The following GALNT17 variants were observed in gnomAD, a reference collection of about 807,000 sequenced individuals.
GALNT17 encodes the protein UDP-GalNAc:polypeptide N-acetylgalactosaminyltransferase-like 3.
Under a neutral mutation model 63.7 loss-of-function variants are expected in GALNT17, and 29 were observed. The observed-to-expected ratio is 0.46, with a 90% CI of 0.34 to 0.62. The LOEUF is 0.62. GALNT17 is among the 20% of genes least tolerant of loss of function. The pLI is 0.01. For missense variants in GALNT17, 603 were observed against 799.6 expected (o/e 0.75, Z 2.97); for synonymous variants, 305 against 318.3 (o/e 0.96, Z 0.45).
intron 1 of GALNT17, among the ~76,000 whole-genome samples, chr7:71,176,240 C>T (rs1788636441): frequency 2.0e-5 from 3 of 151,934 alleles, no homozygotes; most frequent in South Asian, 4.1e-4. Flanking sequence ...CCCCATATAC[C>T]GCCGCTGTCG....
At chr7:71,585,194 G>T (rs1241235370) in intron 6 of GALNT17, among the ~76,000 whole-genome samples, 1 of 151,888 alleles carries the variant, frequency 6.6e-6, no homozygotes, top group Non-Finnish European at 1.5e-5. Context: ...GAACTTCCTA[G>T]TGCTGACATT....
intron 5 of GALNT17, among the ~76,000 whole-genome samples, chr7:71,478,505 G>A (rs375143595): frequency 3.9e-5 from 6 of 151,976 alleles, no homozygotes; most frequent in Non-Finnish European, 8.8e-5. Context: ...TATAGCAATG[G>A]GGTCTCCCTA....
intron 1 of GALNT17, among the ~76,000 whole-genome samples, chr7:71,179,290 C>T (rs1788694417): frequency 6.6e-6 from 1 of 152,154 alleles, no homozygotes; most frequent in African/African-American, 2.4e-5. Flanking sequence ...CTGGTAGCCT[C>T]CTCCATGCTT....
chr7:71,515,568 G>T (rs1259559143), intron 5 of GALNT17, among the ~76,000 whole-genome samples: 1 of 152,132 alleles, frequency 6.6e-6, no homozygotes, highest in Non-Finnish European at 1.5e-5. Context: ...TTAGACCCTG[G>T]ATAGCACCCG....
chr7:71,281,401 T>G (rs1562967788), intron 1 of GALNT17, among the ~76,000 whole-genome samples: 1 of 152,204 alleles, frequency 6.6e-6, no homozygotes. Context: ...TTTCAACTCA[T>G]GTGCAGACAG....
chr7:71,636,096 G>A (rs574830024), intron 6 of GALNT17, among the ~76,000 whole-genome samples: 2 of 152,248 alleles, frequency 1.3e-5, no homozygotes, highest in African/African-American at 2.4e-5. Context: ...TGGTTCAAAC[G>A]CCTCTGACAT....
intron 1 of GALNT17, among the ~76,000 whole-genome samples, chr7:71,279,193 G>A (rs1366864256): frequency 6.6e-6 from 1 of 151,814 alleles, no homozygotes. Context: ...AACCCTCTGT[G>A]TATCTCTGTA....
At chr7:71,489,192 C>T (rs930265782) in intron 5 of GALNT17, among the ~76,000 whole-genome samples, 13 of 152,166 alleles carry the variant, frequency 8.5e-5, no homozygotes, top group African/African-American at 3.1e-4. Context: ...CTGCACCCAA[C>T]CAGGTTTGTC....
At chr7:71,615,359 C>T (rs1330570805) in intron 6 of GALNT17, among the ~76,000 whole-genome samples, 3 of 152,214 alleles carry the variant, frequency 2.0e-5, no homozygotes, top group East Asian at 3.9e-4. Flanking sequence ...GCGAGACCTC[C>T]GAGTCACTGA....
chr7:71,279,412 G>A (rs1269909460), intron 1 of GALNT17, among the ~76,000 whole-genome samples: 2 of 151,992 alleles, frequency 1.3e-5, no homozygotes, highest in African/African-American at 2.4e-5. Flanking sequence ...CCCATGACAT[G>A]TGGGGATTAT....
intron 5 of GALNT17, among the ~76,000 whole-genome samples, chr7:71,488,620 C>T (rs138772805): frequency 7.4e-6 from 1 of 134,354 alleles, no homozygotes; most frequent in African/African-American, 2.8e-5. Flanking sequence ...TACTGTATTG[C>T]CCAAGCTGGA....
At chr7:71,646,537 G>C (rs1790678632) in intron 6 of GALNT17, among the ~76,000 whole-genome samples, 1 of 152,148 alleles carries the variant, frequency 6.6e-6, no homozygotes. Context: ...CCAAGCCTGA[G>C]AATGGAGTGC....
At chr7:71,480,313 G>A (rs146020395) in intron 5 of GALNT17, among the ~76,000 whole-genome samples, 14 of 151,734 alleles carry the variant, frequency 9.2e-5, no homozygotes, top group Non-Finnish European at 1.5e-4. Flanking sequence ...TTATAGGTGT[G>A]CCCCACCACA....
intron 6 of GALNT17, among the ~76,000 whole-genome samples, chr7:71,659,317 T>C (rs1790872657): frequency 6.6e-6 from 1 of 152,222 alleles, no homozygotes; most frequent in Admixed American, 6.5e-5. Flanking sequence ...ATTGATTGGA[T>C]TAAGATTCTG....
chr7:71,665,727 A>C, intron 7 of GALNT17, 131 bp downstream of exon 7: 1 of 1,054,048 alleles, frequency 9.5e-7, no homozygotes, highest in Non-Finnish European at 1.3e-6. Flanking sequence ...ATGCATTTCA[A>C]AGGGATTCAC....
chr7:71,707,515 TAC>T (rs1791738062), intron 9 of GALNT17, among the ~76,000 whole-genome samples: 13 of 152,330 alleles, frequency 8.5e-5, no homozygotes, highest in Admixed American at 8.5e-4. Context: ...GCATAACAAC[TAC>T]CCCAAAACGT....
intron 5 of GALNT17, among the ~76,000 whole-genome samples, chr7:71,514,519 T>G (rs187266599): frequency 3.9e-5 from 6 of 152,226 alleles, no homozygotes; most frequent in Admixed American, 2.0e-4. Context: ...CATCTGTCTT[T>G]CTTTTCTCCA....
intron 2 of GALNT17, among the ~76,000 whole-genome samples, chr7:71,341,240 A>G (rs1792000605): frequency 6.6e-6 from 1 of 152,202 alleles, no homozygotes; most frequent in Non-Finnish European, 1.5e-5. Flanking sequence ...GGAAGACAGC[A>G]TTGAGAAAAG....
At chr7:71,504,286 T>C (rs1650397732) in intron 5 of GALNT17, among the ~76,000 whole-genome samples, 1 of 150,962 alleles carries the variant, frequency 6.6e-6, no homozygotes, top group Admixed American at 6.6e-5. Flanking sequence ...CCAGCTACTC[T>C]CGGGAGGCTG....
Sources: gnomAD v4.1 joint callset for allele counts (sites outside exome capture counted in the v4.1 genomes callset) on GRCh38, gnomAD v4.1.1 for gene constraint, MANE v1.5 for transcripts, NCBI Gene and HGNC (gene_info 2026-07-23, HGNC 2026-07-21) for gene names.